COL10A1: variants seen among roughly 807,000 people sequenced by gnomAD.
COL10A1 encodes the protein collagen alpha-1(X) chain.
Under a neutral mutation model 18.2 loss-of-function variants are expected in COL10A1, and 10 were observed. The ratio of observed to expected loss-of-function variants is 0.55; its 90% CI spans 0.34 to 0.93. The LOEUF (loss-of-function observed/expected upper bound fraction) is 0.93. COL10A1 is among the 40% of genes least tolerant of loss of function. The probability of loss-of-function intolerance (pLI) is 0.02; values close to 1 mark genes in which losing one functional copy is unlikely to be tolerated. For missense variants in COL10A1, 897 were observed against 853.5 expected, an observed-to-expected ratio of 1.05 and a Z score of -0.64; for synonymous variants, 330 against 316.6, an observed-to-expected ratio of 1.04 and a Z score of -0.45.
chr6:116,182,070 C>G, the COL10A1 span, among the ~76,000 whole-genome samples: 1 of 151,972 alleles, frequency 6.6e-6, no homozygotes, highest in African/African-American at 2.4e-5. Context: ...TATTCTTATG[C>G]CTTTGTGTCT....
the COL10A1 span, among the ~76,000 whole-genome samples, chr6:116,192,393 A>T: frequency 6.6e-6 from 1 of 152,012 alleles, no homozygotes; most frequent in African/African-American, 2.4e-5. Context: ...TGCCATTTCT[A>T]CTTTAAAGGG....
rs1257733187 is a variant in COL10A1 at position 116,120,142 on chromosome 6, C to T, written c.1974G>A (p.Glu658=). ...ACTCAGAGGAGTATAGGCCATTTGA[C>T]TCGGCATTGGGAAGCTGGAGCCACA... The part of the protein sequence containing the change: ...DQVWLQLPNA[E]SNGLYSSEYV... The change falls in exon 3 of 3, where the codon GAG becomes GAA. Residue 658 remains glutamate, a synonymous_variant. Coordinates refer to ENST00000651968, the MANE Select transcript of COL10A1 (RefSeq NM_000493.4). 6.2e-7 allele frequency: 1 copy of T among 1,614,088 alleles called. No individual in the cohort carries two copies. Among genetic ancestry groups the T allele is most frequent in the Non-Finnish European group, 8.5e-7 (1 of 1,180,014 alleles).
the COL10A1 span, among the ~76,000 whole-genome samples, chr6:116,192,872 C>T: frequency 6.6e-6 from 1 of 152,038 alleles, no homozygotes; most frequent in Non-Finnish European, 1.5e-5. Flanking sequence ...TCAACTTCCC[C>T]TGCTTTCTCA....
At chr6:116,122,071 TATTCC>T in intron 2 of COL10A1, 110 bp from the exon 3 acceptor site, 2 of 959,090 alleles carry the variant, frequency 2.1e-6, no homozygotes, top group Non-Finnish European at 3.3e-6. Flanking sequence ...CAGCATCATT[TATTCC>T]ATGTAGACAG....
chr6:116,189,740 A>G, the COL10A1 span, among the ~76,000 whole-genome samples: 1 of 152,024 alleles, frequency 6.6e-6, no homozygotes, highest in Non-Finnish European at 1.5e-5. Context: ...AATGATTTTA[A>G]TAGAACAGCA....
At chr6:116,171,203 A>G in the COL10A1 span, among the ~76,000 whole-genome samples, 22 of 152,244 alleles carry the variant, frequency 1.4e-4, no homozygotes, top group Admixed American at 7.8e-4. Flanking sequence ...TGTCACCACT[A>G]CCTTTTACAT....
chr6:116,120,214 A>C lies in COL10A1; in HGVS notation c.1902T>G (p.Asp634Glu), dbSNP rs1404258873. The C allele has an allele frequency of 2.5e-6, 4 of 1,614,036 alleles. No individual in the cohort carries two copies. The highest frequency in any genetic ancestry group is 2.5e-6 in the Non-Finnish European group (3 of 1,180,042). The part of the protein sequence containing the change: ...TYDEYTKGYL[D>E]QASGSAIIDL... ...CGATGATGGCACTCCCTGAAGCCTG[A>C]TCCAGGTAGCCTTTGGTGTATTCAT... Residue 634 changes from aspartate to glutamate, a missense_variant, in exon 3 of 3, where the codon GAT becomes GAG. Asp to Glu is a conservative substitution (Grantham distance 45). Coordinates refer to ENST00000651968, the MANE Select transcript of COL10A1 (RefSeq NM_000493.4).
At chr6:116,185,183 T>C in the COL10A1 span, among the ~76,000 whole-genome samples, 1 of 152,094 alleles carries the variant, frequency 6.6e-6, no homozygotes, top group Non-Finnish European at 1.5e-5. Flanking sequence ...GAGGGTTCCT[T>C]TTGGAGTTGA....
At chr6:116,214,597 C>A in the COL10A1 span, among the ~76,000 whole-genome samples, 47 of 152,168 alleles carry the variant, frequency 3.1e-4, no homozygotes, top group Middle Eastern at 3.4e-3. Context: ...CCACCCCAAA[C>A]CTACTGAATC....
intron 1 of COL10A1, among the ~76,000 whole-genome samples, chr6:116,144,943 G>A (rs1779859374): frequency 6.6e-6 from 1 of 152,210 alleles, no homozygotes; most frequent in Admixed American, 6.5e-5. Flanking sequence ...GTTCTAAAAT[G>A]TGCTAGTTGC....
At chr6:116,189,165 T>C in the COL10A1 span, among the ~76,000 whole-genome samples, 1 of 151,920 alleles carries the variant, frequency 6.6e-6, no homozygotes, top group African/African-American at 2.4e-5. Flanking sequence ...TTTGTTCTTT[T>C]TTTTAGTTGA....
At chr6:116,177,911 G>C in the COL10A1 span, among the ~76,000 whole-genome samples, 1 of 152,132 alleles carries the variant, frequency 6.6e-6, no homozygotes, top group South Asian at 2.1e-4. Context: ...ACTTTTGCTA[G>C]AATACATTTA....
the COL10A1 span, among the ~76,000 whole-genome samples, chr6:116,186,193 G>A: frequency 6.6e-6 from 1 of 151,998 alleles, no homozygotes; most frequent in Non-Finnish European, 1.5e-5. Context: ...AACAAAGGTA[G>A]GACCCCAATG....
At chr6:116,157,291 T>G (rs1218069494) in intron 1 of COL10A1, among the ~76,000 whole-genome samples, 1 of 152,200 alleles carries the variant, frequency 6.6e-6, no homozygotes, top group East Asian at 1.9e-4. Context: ...AATGTCAGAT[T>G]GTGTGGCACC....
Position 116,120,187 on chromosome 6 carries a change from A to G in COL10A1, c.1929T>C (p.Asp643=). ...GCCACACCTGGTCATTTTCTGTGAG[A>G]TCGATGATGGCACTCCCTGAAGCCT... is the stretch of plus-strand genomic sequence containing the variant. ...LDQASGSAII[D]LTENDQVWLQ... The change falls in exon 3 of 3, where the codon GAT becomes GAC. Residue 643 remains aspartate, a synonymous_variant. Coordinates refer to ENST00000651968, the MANE Select transcript of COL10A1 (RefSeq NM_000493.4). 1 of 1,614,094 alleles carries G rather than the reference A, an allele frequency of 6.2e-7. No individual in the cohort carries two copies. Among genetic ancestry groups the G allele is most frequent in the Non-Finnish European group, 8.5e-7 (1 of 1,180,002 alleles).
chr6:116,139,076 G>T (rs976936698), intron 1 of COL10A1, among the ~76,000 whole-genome samples: 4 of 152,080 alleles, frequency 2.6e-5, no homozygotes, highest in African/African-American at 9.7e-5. Context: ...TACAAAAAAA[G>T]ATGTATTCTT....
intron 1 of COL10A1, among the ~76,000 whole-genome samples, chr6:116,131,533 T>C (rs1193414041): frequency 6.6e-6 from 1 of 152,220 alleles, no homozygotes; most frequent in African/African-American, 2.4e-5. Context: ...TGGAGATCAT[T>C]GCAGAACATT....
intron 1 of COL10A1, chr6:116,145,385 G>A: frequency 3.1e-6 from 1 of 323,968 alleles, no homozygotes; most frequent in Non-Finnish European, 7.0e-6. Flanking sequence ...ATGGTAAGAA[G>A]AAATGCTGAT....
the COL10A1 span, among the ~76,000 whole-genome samples, chr6:116,176,928 C>T: frequency 2.6e-5 from 4 of 152,078 alleles, no homozygotes; most frequent in Admixed American, 6.5e-5. Context: ...TTTTTTGCCC[C>T]GTGTAATTTT....
Sources: gnomAD v4.1 joint callset for allele counts (sites outside exome capture counted in the v4.1 genomes callset) on GRCh38, gnomAD v4.1.1 for gene constraint, MANE v1.5 for transcripts, NCBI Gene and HGNC (gene_info 2026-07-23, HGNC 2026-07-21) for gene names.